Variants in HDAC8 observed in about 807,000 individuals in gnomAD.
HDAC8 encodes the protein histone deacetylase 8.
HDAC8 carries 1 observed loss-of-function variant against 32.2 expected under a neutral mutation model. The ratio of observed to expected loss-of-function variants is 0.03; its 90% CI spans 0.01 to 0.15. The LOEUF is 0.15. Among genes scored for constraint, HDAC8 ranks in the 10% least tolerant of loss-of-function variants. The pLI is 1.00. For synonymous variants in HDAC8, 108 were observed against 113.9 expected (o/e 0.95, Z 0.33); for missense variants, 117 against 300.0 (o/e 0.39, Z 4.51).
intron 6 of HDAC8, among the ~76,000 whole-genome samples, chrX:72,490,402 A>C (rs1358849399): frequency 2.8e-5 from 3 of 107,691 alleles, no homozygotes; most frequent in Non-Finnish European, 1.9e-5. Flanking sequence ...GCACATATAC[A>C]CCATGGAATA....
At chrX:72,538,166 A>G (rs1337501968) in intron 4 of HDAC8, among the ~76,000 whole-genome samples, 7 of 108,946 alleles carry the variant, frequency 6.4e-5, no homozygotes, top group Admixed American at 9.8e-5. Flanking sequence ...CCTTTCTCTT[A>G]GCCCTTGGTT....
intron 9 of HDAC8, 55 bp downstream of exon 9, chrX:72,461,949 G>T: frequency 1.1e-6 from 1 of 919,590 alleles, no homozygotes; most frequent in Non-Finnish European, 1.6e-6. Context: ...TGATTAGGTG[G>T]AATGACTCAG....
chrX:72,559,324 G>A (rs1309473103), intron 4 of HDAC8, among the ~76,000 whole-genome samples: 1 of 109,176 alleles, frequency 9.2e-6, no homozygotes, highest in East Asian at 2.9e-4. Flanking sequence ...TGCCAGCCTC[G>A]GCCTCCCGAG....
chrX:72,343,093 A>G lies in HDAC8; in HGVS notation c.1111+8640T>C, dbSNP rs146235617. On this transcript the variant is annotated intron_variant, in intron 10 of 10. Coordinates refer to ENST00000373573, the MANE Select transcript of HDAC8 (RefSeq NM_018486.3). ...CTTTTTAATACACATTGAAACATAT[A>G]TCTATATTGAACATACTAAATCCAT... Among the ~76,000 whole-genome samples the G allele has an allele frequency of 0.011, 1,179 of 111,312 alleles. 57 individuals carry two copies. The South Asian group carries it at 0.19, about 18-fold the overall frequency.
At chrX:72,494,794 G>T (rs1160210762) in intron 5 of HDAC8, among the ~76,000 whole-genome samples, 1 of 111,716 alleles carries the variant, frequency 9.0e-6, no homozygotes, top group African/African-American at 3.3e-5. Context: ...CTTGAGAAAA[G>T]CATCAATGAA....
intron 10 of HDAC8, among the ~76,000 whole-genome samples, chrX:72,337,615 A>G (rs1555943035): frequency 9.0e-6 from 1 of 110,727 alleles, no homozygotes; most frequent in Non-Finnish European, 1.9e-5. Flanking sequence ...CTTTATGTGG[A>G]TGATTCTAAT....
At chrX:72,393,928 A>C (rs1486311101) in intron 9 of HDAC8, among the ~76,000 whole-genome samples, 1 of 111,249 alleles carries the variant, frequency 9.0e-6, no homozygotes, top group Non-Finnish European at 1.9e-5. Context: ...CAGAGGTAGA[A>C]GTCCTTTAAT....
At chrX:72,355,689 T>C (rs1555950526) in intron 9 of HDAC8, among the ~76,000 whole-genome samples, 1 of 112,094 alleles carries the variant, frequency 8.9e-6, no homozygotes, top group African/African-American at 3.2e-5. Context: ...TTCTTGTTCA[T>C]GTCTCTCCAG....
chrX:72,380,199 G>A (rs781946244), intron 9 of HDAC8, among the ~76,000 whole-genome samples: 1 of 111,659 alleles, frequency 9.0e-6, no homozygotes, highest in East Asian at 2.8e-4. Flanking sequence ...TAAGCTTTTT[G>A]GTTAGCTTAA....
chrX:72,452,504 T>A (rs2047598040), intron 9 of HDAC8, among the ~76,000 whole-genome samples: 1 of 110,993 alleles, frequency 9.0e-6, no homozygotes, highest in Non-Finnish European at 1.9e-5. Context: ...GAAGAACAAT[T>A]TCTAGAGCTC....
chrX:72,407,917 T>C (rs1555969153), intron 9 of HDAC8, among the ~76,000 whole-genome samples: 1 of 112,470 alleles, frequency 8.9e-6, no homozygotes. Flanking sequence ...ATCATTCTTA[T>C]ATCTTCTCAT....
intron 9 of HDAC8, among the ~76,000 whole-genome samples, chrX:72,381,029 G>A (rs2045253232): frequency 9.0e-6 from 1 of 111,617 alleles, no homozygotes; most frequent in African/African-American, 3.3e-5. Flanking sequence ...CATAGCTCTA[G>A]ATTCTTGGTG....
At chrX:72,555,601 C>G (rs2051256676) in intron 4 of HDAC8, among the ~76,000 whole-genome samples, 2 of 112,062 alleles carry the variant, frequency 1.8e-5, no homozygotes, top group Admixed American at 1.9e-4. Flanking sequence ...TAGAGAAATG[C>G]AAAATGCACT....
rs2045260090 is a variant in HDAC8, at chrX:72,381,252, CATTATTCTAATATAAA to C, written c.1006-29430_1006-29415del. ...GGATAAAGACCCAGTATACAGAAGG[CATTATTCTAATATAAA>C]ATATAACCCTCTGGTTGTCATTCTA... On this transcript the variant is annotated intron_variant, in intron 9 of 10. Coordinates refer to ENST00000373573, the MANE Select transcript of HDAC8 (RefSeq NM_018486.3). 3.6e-5 allele frequency among the ~76,000 whole-genome samples: 4 copies of C among 111,643 alleles called. No homozygotes were observed. In the South Asian group the frequency reaches 1.5e-3, roughly 42 times the overall value.
chrX:72,420,777 C>T (rs1245534049), intron 9 of HDAC8, among the ~76,000 whole-genome samples: 2 of 112,030 alleles, frequency 1.8e-5, no homozygotes, highest in African/African-American at 3.2e-5. Flanking sequence ...GCCACCCCAC[C>T]TCTTTTTGGT....
At chrX:72,526,166 C>T (rs1258560182) in intron 4 of HDAC8, among the ~76,000 whole-genome samples, 2 of 111,383 alleles carry the variant, frequency 1.8e-5, no homozygotes, top group Non-Finnish European at 3.8e-5. Context: ...ACTTTAGTTT[C>T]ATTTCTTGTA....
At chrX:72,484,299 T>A (rs1207695940) in intron 7 of HDAC8, among the ~76,000 whole-genome samples, 1 of 112,088 alleles carries the variant, frequency 8.9e-6, no homozygotes, top group African/African-American at 3.2e-5. Context: ...TTTCTCTGGA[T>A]GGGTTGGTAG....
chrX:72,558,792 G>C (rs542330075), intron 4 of HDAC8, among the ~76,000 whole-genome samples: 1 of 110,648 alleles, frequency 9.0e-6, no homozygotes, highest in East Asian at 2.8e-4. Context: ...TAAAGAGGAA[G>C]TCAAACTGTT....
At chrX:72,567,395 T>G (rs782409301) in intron 4 of HDAC8, among the ~76,000 whole-genome samples, 1 of 112,366 alleles carries the variant, frequency 8.9e-6, no homozygotes, top group South Asian at 3.7e-4. Flanking sequence ...AGCTCTAAAA[T>G]TCACTTCTGC....
Sources: allele counts gnomAD v4.1 joint callset (sites outside exome capture counted in the v4.1 genomes callset), GRCh38; gene constraint gnomAD v4.1.1; transcripts MANE v1.5; gene names NCBI Gene and HGNC (gene_info 2026-07-23, HGNC 2026-07-21).